The following MAF variants were observed in gnomAD, a reference collection of about 807,000 sequenced individuals.
The protein encoded by MAF is transcription factor Maf.
A neutral mutation model predicts 22.0 loss-of-function variants in MAF; 10 were observed. The observed-to-expected ratio is 0.45, with a 90% CI of 0.28 to 0.77. The LOEUF (loss-of-function observed/expected upper bound fraction) is 0.77, where lower values mean the gene tolerates loss of function less well. MAF is among the 30% of genes least tolerant of loss of function. MAF has a pLI of 0.12. For synonymous variants in MAF, 337 were observed against 255.8 expected (o/e 1.32, Z -3.03); for missense variants, 544 against 548.4 (o/e 0.99, Z 0.08).
chr16:79,354,884 A>T, the MAF span, among the ~76,000 whole-genome samples: 3 of 152,230 alleles, frequency 2.0e-5, no homozygotes, highest in Non-Finnish European at 4.4e-5. Flanking sequence ...CACCATGTGT[A>T]TGAGAAATCC....
At chr16:79,447,675 A>T in the MAF span, among the ~76,000 whole-genome samples, 2 of 152,152 alleles carry the variant, frequency 1.3e-5, no homozygotes, top group African/African-American at 4.8e-5. Context: ...AAACATTAAT[A>T]GGAGTTTGTA....
At chr16:79,364,142 CT>C in the MAF span, among the ~76,000 whole-genome samples, 1 of 152,128 alleles carries the variant, frequency 6.6e-6, no homozygotes, top group Non-Finnish European at 1.5e-5. Context: ...CCTACATGCC[CT>C]AATTGGGAGC....
chr16:79,559,647 C>A, the MAF span, among the ~76,000 whole-genome samples: 9 of 151,166 alleles, frequency 6.0e-5, no homozygotes, highest in Admixed American at 3.3e-4. Context: ...AAAAAAAAAA[C>A]TGCTGTACAT....
chr16:79,366,603 G>C, the MAF span, among the ~76,000 whole-genome samples: 1 of 152,196 alleles, frequency 6.6e-6, no homozygotes, highest in Admixed American at 6.5e-5. Flanking sequence ...AAGGAAACTT[G>C]AGCATAAATG....
the MAF span, among the ~76,000 whole-genome samples, chr16:79,380,483 G>C: frequency 1.3e-5 from 2 of 152,144 alleles, no homozygotes; most frequent in African/African-American, 4.8e-5. Flanking sequence ...ATTTTACAGA[G>C]GAAAAGTGAA....
At chr16:79,352,915 G>A in the MAF span, among the ~76,000 whole-genome samples, 1 of 152,196 alleles carries the variant, frequency 6.6e-6, no homozygotes. Flanking sequence ...GGAGAATCAA[G>A]TGGGATATGG....
At chr16:79,329,634 C>T in the MAF span, among the ~76,000 whole-genome samples, 240 of 152,188 alleles carry the variant, frequency 1.6e-3, no homozygotes, top group African/African-American at 5.4e-3. Flanking sequence ...GTGTCTTCCC[C>T]CATCTGAATA....
At chr16:79,238,375 G>C in the MAF span, among the ~76,000 whole-genome samples, 2 of 152,098 alleles carry the variant, frequency 1.3e-5, no homozygotes, top group African/African-American at 4.8e-5. Context: ...TTGTATCTAA[G>C]AGCGGGGGCA....
At chr16:79,553,329 A>G in the MAF span, among the ~76,000 whole-genome samples, 3 of 152,206 alleles carry the variant, frequency 2.0e-5, no homozygotes, top group Admixed American at 6.5e-5. Flanking sequence ...GTGGCTTCCA[A>G]TGGAGCCTGG....
chr16:79,510,414 C>G, the MAF span, among the ~76,000 whole-genome samples: 1 of 152,242 alleles, frequency 6.6e-6, no homozygotes, highest in East Asian at 1.9e-4. Context: ...GGTATCTCCC[C>G]GCAGTCTGGG....
chr16:79,534,177 T>A, the MAF span, among the ~76,000 whole-genome samples: 1 of 152,208 alleles, frequency 6.6e-6, no homozygotes, highest in African/African-American at 2.4e-5. Flanking sequence ...CTTCCTTACC[T>A]TTGAAGTAGA....
At chr16:79,436,456 C>G in the MAF span, among the ~76,000 whole-genome samples, 2 of 152,318 alleles carry the variant, frequency 1.3e-5, no homozygotes, top group South Asian at 2.1e-4. Context: ...CAGACATGTG[C>G]GTTAACGCTT....
the MAF span, among the ~76,000 whole-genome samples, chr16:79,541,595 G>A: frequency 2.8e-3 from 431 of 151,914 alleles, 1 homozygote; most frequent in Non-Finnish European, 5.5e-3. Flanking sequence ...GGTGAAAGAC[G>A]AGACCCTAAT....
the MAF span, among the ~76,000 whole-genome samples, chr16:79,307,238 C>T: frequency 1.1e-4 from 17 of 152,170 alleles, no homozygotes; most frequent in African/African-American, 3.1e-4. Context: ...GACCACAGGG[C>T]CTGCCTATCA....
At chr16:79,542,739 C>T in the MAF span, among the ~76,000 whole-genome samples, 1 of 152,210 alleles carries the variant, frequency 6.6e-6, no homozygotes, top group African/African-American at 2.4e-5. Context: ...CTTCCTTCCC[C>T]TTTGGGACTC....
chr16:79,548,197 C>T, the MAF span, among the ~76,000 whole-genome samples: 1 of 152,130 alleles, frequency 6.6e-6, no homozygotes, highest in Non-Finnish European at 1.5e-5. Context: ...GATTAAAACA[C>T]ATTACATAAG....
chr16:79,562,889 G>T, the MAF span, among the ~76,000 whole-genome samples: 1 of 152,166 alleles, frequency 6.6e-6, no homozygotes, highest in Non-Finnish European at 1.5e-5. Context: ...AAACAGAGTA[G>T]ATCTTTCCCT....
In MAF at chr16:79,599,175, C is replaced by G; in HGVS notation, c.728G>C (p.Gly243Ala). The change falls in exon 1 of 2, where the codon GGG (glycine) becomes GCG (alanine). Residue 243 changes from glycine to alanine, a missense_variant. By Grantham distance (60) the Gly-to-Ala change is moderately conservative. This residue lies in a region of MAF where 342 missense variants were observed against 315.5 expected (regional missense o/e 1.08). Coordinates refer to ENST00000326043, the MANE Select transcript of MAF (RefSeq NM_005360.5). ...GGCGTGGTGCGGGTGCAGGGCGCCC[C>G]CCGCCCCCGCCGCGCCCCCGCCGCC... ...GGGGGGAAGA[G>A]GALHPHHAAG... The G allele has an allele frequency of 8.3e-7, 1 of 1,199,642 alleles. No individual in the cohort carries two copies. The highest frequency in any genetic ancestry group is 1.0e-6 in the Non-Finnish European group (1 of 964,872). The allele number at this position is 1,199,642 out of a possible 1,614,324, so 74.3% of individuals were successfully genotyped here. A position where few individuals can be genotyped will look rare whatever the true frequency, so the allele number is the denominator to read the frequency against.
chr16:79,343,256 C>A, the MAF span, among the ~76,000 whole-genome samples: 2 of 151,250 alleles, frequency 1.3e-5, no homozygotes, highest in African/African-American at 4.9e-5. Context: ...CCAAAAAAAT[C>A]TATGTGTGTG....
Sources: allele counts gnomAD v4.1 joint callset (sites outside exome capture counted in the v4.1 genomes callset), GRCh38; gene constraint gnomAD v4.1.1; regional missense constraint gnomAD v4.1.1; transcripts MANE v1.5; gene names NCBI Gene and HGNC (gene_info 2026-07-23, HGNC 2026-07-21).